CCDC171: variants seen among roughly 807,000 people sequenced by gnomAD.
CCDC171 encodes coiled-coil domain-containing protein 171.
In CCDC171, 177 loss-of-function variants were observed where a neutral mutation model predicts 168.2. The ratio of observed to expected loss-of-function variants is 1.05; its 90% CI spans 0.93 to 1.19. CCDC171 has a LOEUF of 1.19. Among genes scored for constraint, CCDC171 ranks in the 50% most tolerant of loss-of-function variants. The pLI, the probability that CCDC171 is intolerant of heterozygous loss-of-function variation, is 0.00. For missense variants in CCDC171, 1,991 were observed against 1,539.0 expected, an observed-to-expected ratio of 1.29 and a Z score of -4.91; for synonymous variants, 687 against 540.8, an observed-to-expected ratio of 1.27 and a Z score of -3.75.
chr9:15,637,761 T>C (rs912098133), intron 7 of CCDC171, among the ~76,000 whole-genome samples: 4 of 151,890 alleles, frequency 2.6e-5, no homozygotes, highest in Non-Finnish European at 5.9e-5. Context: ...AGAATGATGA[T>C]TTCCAATTTC....
At chr9:15,690,912 A>C (rs2050732980) in intron 10 of CCDC171, among the ~76,000 whole-genome samples, 1 of 152,194 alleles carries the variant, frequency 6.6e-6, no homozygotes, top group Admixed American at 6.5e-5. Context: ...AATTAAAATG[A>C]AGTAAATGCA....
chr9:15,632,107 G>T (rs2045763254), intron 7 of CCDC171, among the ~76,000 whole-genome samples: 1 of 151,878 alleles, frequency 6.6e-6, no homozygotes, highest in South Asian at 2.1e-4. Context: ...TTGAAAACTG[G>T]CCCAAGACAG....
In CCDC171 at chr9:15,746,336, A is replaced by G. The variant is rs569019274; in HGVS notation, c.2671+705A>G. On this transcript the variant is annotated intron_variant, in intron 18 of 25. Coordinates refer to ENST00000380701, the MANE Select transcript of CCDC171 (RefSeq NM_173550.4). ...TAATTTGGGATTTAATTCTTAGACA[A>G]TTCCACTGTGCAAATATAGATTATT... is the stretch of plus-strand genomic sequence containing the variant. Among the ~76,000 whole-genome samples the G allele has an allele frequency of 4.6e-5, 7 of 152,352 alleles. 1 individual carries two copies. In the South Asian group the frequency reaches 1.0e-3, roughly 23 times the overall value.
At chr9:15,676,244 C>T (rs1323905189) in intron 9 of CCDC171, among the ~76,000 whole-genome samples, 1 of 152,148 alleles carries the variant, frequency 6.6e-6, no homozygotes, top group Non-Finnish European at 1.5e-5. Flanking sequence ...AAGTTCTTCT[C>T]TACACTGCTT....
intron 21 of CCDC171, among the ~76,000 whole-genome samples, chr9:15,824,251 T>A (rs146911000): frequency 2.0e-5 from 3 of 152,090 alleles, no homozygotes; most frequent in Non-Finnish European, 2.9e-5. Context: ...AAATAAATTA[T>A]GTATTTCACA....
chr9:15,974,920 T>C (rs1258370007), downstream of CCDC171, among the ~76,000 whole-genome samples: 1 of 152,054 alleles, frequency 6.6e-6, no homozygotes. Context: ...AGGAAGTTGA[T>C]CCTATTTCAC....
chr9:15,689,638 G>T (rs371597457), intron 10 of CCDC171, among the ~76,000 whole-genome samples: 109 of 152,248 alleles, frequency 7.2e-4, no homozygotes, highest in African/African-American at 2.5e-3. Context: ...TTGAATCCAG[G>T]AGCCAGAGGT....
At chr9:15,933,739 C>A (rs1467142421) in intron 25 of CCDC171, among the ~76,000 whole-genome samples, 1 of 151,886 alleles carries the variant, frequency 6.6e-6, no homozygotes, top group African/African-American at 2.4e-5. Context: ...TTTTCTTTAA[C>A]CTTTACCTTG....
chr9:16,064,773 AATTT>A (rs1833974013), downstream of CCDC171, among the ~76,000 whole-genome samples: 1 of 152,312 alleles, frequency 6.6e-6, no homozygotes, highest in African/African-American at 2.4e-5. Context: ...AATTGGCCGT[AATTT>A]ATTTATCAGT....
the CCDC171 span, among the ~76,000 whole-genome samples, chr9:16,093,985 G>A: frequency 2.0e-5 from 3 of 152,296 alleles, no homozygotes; most frequent in African/African-American, 7.2e-5. Context: ...TGTTTCCCTA[G>A]CCATAGTTAA....
chr9:15,696,351 T>C (rs1245982166), intron 11 of CCDC171, among the ~76,000 whole-genome samples: 1 of 152,204 alleles, frequency 6.6e-6, no homozygotes, highest in African/African-American at 2.4e-5. Flanking sequence ...CTATTGTCTA[T>C]GTTTTAAGTC....
At chr9:15,943,627 C>A (rs562946521) in intron 25 of CCDC171, among the ~76,000 whole-genome samples, 2 of 151,878 alleles carry the variant, frequency 1.3e-5, no homozygotes, top group African/African-American at 4.8e-5. Context: ...TTGCCAAGTG[C>A]CCAACGAAGG....
upstream of CCDC171, among the ~76,000 whole-genome samples, chr9:16,040,768 C>G (rs1833559053): frequency 6.6e-6 from 1 of 152,226 alleles, no homozygotes; most frequent in Non-Finnish European, 1.5e-5. Flanking sequence ...GAGTAACAGT[C>G]TTAGCCAAAC....
intron 6 of CCDC171, among the ~76,000 whole-genome samples, chr9:15,594,798 T>G (rs1271679453): frequency 1.3e-5 from 2 of 152,262 alleles, no homozygotes; most frequent in East Asian, 3.9e-4. Flanking sequence ...TTATATGTAT[T>G]TATTTTGAAG....
chr9:15,854,128 G>A (rs1385355567), intron 23 of CCDC171, among the ~76,000 whole-genome samples: 1 of 150,248 alleles, frequency 6.7e-6, no homozygotes, highest in East Asian at 1.9e-4. Flanking sequence ...GAATAGGTTA[G>A]GAGATGCTCC....
the CCDC171 span, among the ~76,000 whole-genome samples, chr9:16,097,830 T>C: frequency 6.6e-6 from 1 of 152,176 alleles, no homozygotes; most frequent in African/African-American, 2.4e-5. Context: ...ACAGCATCAT[T>C]GAACTTCAAA....
intron 6 of CCDC171, among the ~76,000 whole-genome samples, chr9:15,598,625 G>T (rs1372274557): frequency 6.6e-6 from 1 of 152,210 alleles, no homozygotes; most frequent in Non-Finnish European, 1.5e-5. Context: ...TTTGTATTCT[G>T]TTGATTTGGT....
chr9:15,886,931 A>T (rs1365144003), intron 24 of CCDC171: 5 of 152,182 alleles, frequency 3.3e-5, no homozygotes, highest in Admixed American at 3.3e-4. Flanking sequence ...TAGAATTTTT[A>T]AAAATCTTAC....
intron 2 of CCDC171, among the ~76,000 whole-genome samples, chr9:15,570,129 C>G (rs1448834063): frequency 6.6e-6 from 1 of 152,014 alleles, no homozygotes; most frequent in East Asian, 1.9e-4. Context: ...GCCACCACAT[C>G]CAGCTAATTT....
Sources: allele counts gnomAD v4.1 joint callset (sites outside exome capture counted in the v4.1 genomes callset), GRCh38; gene constraint gnomAD v4.1.1; transcripts MANE v1.5; gene names NCBI Gene and HGNC (gene_info 2026-07-23, HGNC 2026-07-21).